Variants in ATP2B2 observed in about 807,000 individuals in gnomAD.
ATP2B2 encodes the protein plasma membrane calcium-transporting ATPase 2.
Under a neutral mutation model 120.0 loss-of-function variants are expected in ATP2B2, and 15 were observed. The ratio of observed to expected loss-of-function variants is 0.12; its 90% CI spans 0.08 to 0.19. The LOEUF is 0.19. ATP2B2 is among the 10% of genes least tolerant of loss of function. ATP2B2 has a pLI of 1.00. For missense variants in ATP2B2, 1,045 were observed against 1,719.8 expected, an observed-to-expected ratio of 0.61 and a Z score of 6.94; for synonymous variants, 694 against 700.3, an observed-to-expected ratio of 0.99 and a Z score of 0.14.
chr3:10,672,599 G>A (rs997722858), intron 1 of ATP2B2, among the ~76,000 whole-genome samples: 2 of 152,200 alleles, frequency 1.3e-5, no homozygotes, highest in Admixed American at 6.5e-5. Flanking sequence ...GACCTCTGGC[G>A]TGGGCCCAGG....
intron 12 of ATP2B2, among the ~76,000 whole-genome samples, chr3:10,370,371 T>C (rs749179260): frequency 9.9e-5 from 15 of 152,228 alleles, no homozygotes; most frequent in Non-Finnish European, 2.1e-4. Context: ...CCCAGTTATT[T>C]TAGGAAGTCC....
chr3:10,492,185 G>T (rs2065958087), intron 1 of ATP2B2, among the ~76,000 whole-genome samples: 2 of 151,976 alleles, frequency 1.3e-5, no homozygotes, highest in South Asian at 2.1e-4. Flanking sequence ...TGTGGGTTGG[G>T]GACACAGTAA....
chr3:10,390,508 GT>G (rs2061816338), intron 5 of ATP2B2, among the ~76,000 whole-genome samples: 1 of 151,520 alleles, frequency 6.6e-6, no homozygotes, highest in East Asian at 1.9e-4. Context: ...TTGTGTGTGT[GT>G]GTGTGTGTGT....
intron 8 of ATP2B2, among the ~76,000 whole-genome samples, chr3:10,384,509 T>C (rs1213362040): frequency 2.0e-5 from 3 of 152,070 alleles, no homozygotes; most frequent in African/African-American, 7.2e-5. Context: ...AAATCCGAAA[T>C]CTTCTAAAGG....
intron 1 of ATP2B2, among the ~76,000 whole-genome samples, chr3:10,651,609 T>G (rs2070464290): frequency 6.6e-6 from 1 of 151,928 alleles, no homozygotes; most frequent in East Asian, 1.9e-4. Flanking sequence ...GTAACACAGA[T>G]GGGTTCATGG....
At chr3:10,486,324 C>CGTGTGTGTGTGT (rs1553616064) in intron 1 of ATP2B2, among the ~76,000 whole-genome samples, 1 of 117,086 alleles carries the variant, frequency 8.5e-6, no homozygotes, top group South Asian at 2.6e-4. Flanking sequence ...TGTGTGCGTG[C>CGTGTGTGTGTGT]GTGTGTGTGT....
chr3:10,690,793 G>A (rs1271291902), intron 1 of ATP2B2, among the ~76,000 whole-genome samples: 1 of 152,148 alleles, frequency 6.6e-6, no homozygotes, highest in East Asian at 1.9e-4. Flanking sequence ...CCCTGGTTAT[G>A]AATTATATGA....
At chr3:10,428,131 G>T (rs1007146820) in intron 2 of ATP2B2, among the ~76,000 whole-genome samples, 1 of 152,158 alleles carries the variant, frequency 6.6e-6, no homozygotes. Context: ...GCTGCGTATG[G>T]CCTGGGCATG....
In ATP2B2 at chr3:10,449,735, G is replaced by A. The variant is rs986691447; in HGVS notation, c.-192C>T. The A allele has an allele frequency of 4.4e-5, 30 of 680,772 alleles. 1 individual carries two copies. The highest frequency in any genetic ancestry group is 3.9e-4 in the South Asian group (24 of 61,186). The allele number at this position is 680,772 out of a possible 1,614,324, so 42.2% of individuals were successfully genotyped here. ...TGACAGTGGTGGTGAGCTCCAAGAGGTGTCCTCCGGTGTGGGACGAGGTCC... is the reference window on the plus strand; with the variant it reads ...TGACAGTGGTGGTGAGCTCCAAGAGATGTCCTCCGGTGTGGGACGAGGTCC... On this transcript the variant is annotated 5_prime_UTR_variant, in exon 2 of 23. Transcript: ENST00000360273.
In ATP2B2 at chr3:10,440,100, TAAAAAAAAAA is replaced by T. The variant is rs71055819; in HGVS notation, c.199+9235_199+9244del. ...CTGGGCAACAGAGTGAGACTCTATC[TAAAAAAAAAA>T]AAAAAAAAAAAAAAAAAAAAGGAGT... On this transcript the variant is annotated intron_variant, in intron 2 of 22. Transcript: ENST00000360273. 4.6e-4 allele frequency among the ~76,000 whole-genome samples: 13 copies of T among 28,170 alleles called. No individual in the cohort carries two copies. In the South Asian group the frequency reaches 8.5e-3, roughly 18 times the overall value. 18.5% of individuals were successfully genotyped at this position (28,170 alleles called of 152,430 possible). A position where few individuals can be genotyped will look rare whatever the true frequency, so the allele number is the denominator to read the frequency against.
At chr3:10,655,949 A>C (rs2070614073) in intron 1 of ATP2B2, among the ~76,000 whole-genome samples, 1 of 152,240 alleles carries the variant, frequency 6.6e-6, no homozygotes, top group South Asian at 2.1e-4. Context: ...CAATGCCTTG[A>C]GAGGACAAAA....
At chr3:10,471,504 G>C (rs894730289) in intron 1 of ATP2B2, among the ~76,000 whole-genome samples, 23 of 151,978 alleles carry the variant, frequency 1.5e-4, no homozygotes, top group Admixed American at 1.5e-3. Context: ...GGTACGGGAG[G>C]AGGGGAAAGA....
chr3:10,531,831 T>C (rs895789397), intron 3 of ATP2B2, among the ~76,000 whole-genome samples: 4 of 152,158 alleles, frequency 2.6e-5, no homozygotes, highest in Non-Finnish European at 5.9e-5. Context: ...ATTATTAACA[T>C]TGGTGTGACT....
chr3:10,403,790 G>C (rs58734078), intron 3 of ATP2B2, among the ~76,000 whole-genome samples: 5,224 of 152,278 alleles, frequency 0.034, 286 homozygotes, highest in African/African-American at 0.12. Context: ...TGTTCAGAGA[G>C]AAGCAGAGAC....
chr3:10,447,649 C>T (rs908443916), intron 2 of ATP2B2, among the ~76,000 whole-genome samples: 6 of 152,214 alleles, frequency 3.9e-5, no homozygotes, highest in Admixed American at 2.0e-4. Flanking sequence ...TGCCTGCCAG[C>T]GTCCTCATGT....
chr3:10,508,006 C>T (rs1013250406), upstream of ATP2B2, among the ~76,000 whole-genome samples: 4 of 152,168 alleles, frequency 2.6e-5, no homozygotes, highest in Admixed American at 6.5e-5. Flanking sequence ...CTTACCTTCC[C>T]GGTGGTCCCT....
intron 2 of ATP2B2, among the ~76,000 whole-genome samples, chr3:10,615,089 T>C (rs1387868127): frequency 6.6e-6 from 1 of 151,992 alleles, no homozygotes; most frequent in Non-Finnish European, 1.5e-5. Context: ...AGGGGGCTGG[T>C]GGGATCAGAG....
chr3:10,535,174 G>A (rs574167092), intron 2 of ATP2B2, among the ~76,000 whole-genome samples: 1 of 152,026 alleles, frequency 6.6e-6, no homozygotes, highest in South Asian at 2.1e-4. Flanking sequence ...AAAGTGCTAG[G>A]ATTACAGGCA....
chr3:10,529,098 G>T (rs2067158600), intron 3 of ATP2B2, among the ~76,000 whole-genome samples: 1 of 152,238 alleles, frequency 6.6e-6, no homozygotes, highest in African/African-American at 2.4e-5. Context: ...CTTCCCGGGG[G>T]AAGACTCAAG....
Sources: gnomAD v4.1 joint callset for allele counts (sites outside exome capture counted in the v4.1 genomes callset) on GRCh38, gnomAD v4.1.1 for gene constraint, MANE v1.5 for transcripts, NCBI Gene and HGNC (gene_info 2026-07-23, HGNC 2026-07-21) for gene names.